NCK2: variants seen among roughly 807,000 people sequenced by gnomAD.
The protein encoded by NCK2 is NCK adaptor protein 2, also known as cytoplasmic protein NCK2.
A neutral mutation model predicts 33.9 loss-of-function variants in NCK2; 16 were observed. The observed-to-expected ratio is 0.47, with a 90% CI of 0.32 to 0.72. The LOEUF (loss-of-function observed/expected upper bound fraction) is 0.72. Among genes scored for constraint, NCK2 ranks in the 30% least tolerant of loss-of-function variants. The probability of loss-of-function intolerance (pLI) is 0.03; values close to 1 mark genes in which losing one functional copy is unlikely to be tolerated. For synonymous variants in NCK2, 273 were observed against 239.9 expected, an observed-to-expected ratio of 1.14 and a Z score of -1.27; for missense variants, 418 against 537.3, an observed-to-expected ratio of 0.78 and a Z score of 2.19.
intron 3 of NCK2, among the ~76,000 whole-genome samples, chr2:105,858,107 A>G (rs1267245391): frequency 3.5e-5 from 5 of 143,376 alleles, no homozygotes; most frequent in Non-Finnish European, 6.0e-5. Flanking sequence ...ATGGCTTCCT[A>G]TTACTGTTGG....
At chr2:105,780,570 C>G (rs1237255743) in intron 1 of NCK2, among the ~76,000 whole-genome samples, 1 of 152,136 alleles carries the variant, frequency 6.6e-6, no homozygotes, top group Non-Finnish European at 1.5e-5. Flanking sequence ...GGGGTGCTGT[C>G]TGTAATTATG....
At chr2:105,745,615 G>A (rs1282276795) in intron 1 of NCK2, 2 of 152,546 alleles carry the variant, frequency 1.3e-5, no homozygotes, top group African/African-American at 4.8e-5. Context: ...CCCCGGCGCA[G>A]GGACGGGGGA....
intron 2 of NCK2, among the ~76,000 whole-genome samples, chr2:105,844,788 A>G (rs1370283412): frequency 6.8e-6 from 1 of 147,750 alleles, no homozygotes; most frequent in Non-Finnish European, 1.5e-5. Flanking sequence ...GTATATATGT[A>G]TATAAAAGAA....
chr2:105,864,158 G>A (rs768185870), intron 3 of NCK2, among the ~76,000 whole-genome samples: 6 of 152,086 alleles, frequency 3.9e-5, no homozygotes, highest in Non-Finnish European at 8.8e-5. Flanking sequence ...ACCCTCGGAG[G>A]TTTCCACAGG....
At chr2:105,882,811 A>G (rs902727153) in intron 4 of NCK2, among the ~76,000 whole-genome samples, 1 of 152,172 alleles carries the variant, frequency 6.6e-6, no homozygotes, top group African/African-American at 2.4e-5. Context: ...TACACCTTCT[A>G]CAATCGAGAG....
At chr2:105,853,824 G>C (rs182044387) in intron 2 of NCK2, 7 of 152,330 alleles carry the variant, frequency 4.6e-5, no homozygotes, top group Non-Finnish European at 1.0e-4. Flanking sequence ...GGAAACATCA[G>C]GGGTGGAGCG....
chr2:105,755,283 A>G (rs1689568606), intron 1 of NCK2, among the ~76,000 whole-genome samples: 1 of 152,182 alleles, frequency 6.6e-6, no homozygotes, highest in Admixed American at 6.5e-5. Flanking sequence ...CTTTTTTAAA[A>G]AAGGAGGAGG....
chr2:105,769,176 C>G (rs1690044501), intron 1 of NCK2, among the ~76,000 whole-genome samples: 1 of 152,110 alleles, frequency 6.6e-6, no homozygotes, highest in Non-Finnish European at 1.5e-5. Context: ...CAGTAAATAC[C>G]AAGGGCTTTA....
At chr2:105,764,230 C>T (rs1689860288) in intron 1 of NCK2, among the ~76,000 whole-genome samples, 1 of 152,212 alleles carries the variant, frequency 6.6e-6, no homozygotes, top group Non-Finnish European at 1.5e-5. Flanking sequence ...CCTTCAGCAC[C>T]TGTGGCACCA....
chr2:105,809,192 C>T lies in NCK2; in HGVS notation c.-200-7238C>T, dbSNP rs185291261. Among the ~76,000 whole-genome samples, 8 of 152,224 alleles carry T rather than the reference C, an allele frequency of 5.3e-5. No homozygotes were observed. The East Asian group carries it at 1.5e-3, about 29-fold the overall frequency. ...GTGTGGGTCACCTGGTGGTTTTGAC[C>T]TCGAGTTCTTTCAATTCACTCATCC... On this transcript the variant is annotated intron_variant, in intron 1 of 4. Coordinates refer to ENST00000233154, the MANE Select transcript of NCK2 (RefSeq NM_003581.5).
At chr2:105,793,095 T>C (rs1038825272) in intron 1 of NCK2, among the ~76,000 whole-genome samples, 5 of 152,078 alleles carry the variant, frequency 3.3e-5, no homozygotes, top group Non-Finnish European at 7.3e-5. Context: ...GCCGTGGAAT[T>C]GAGAAGTGGC....
At chr2:105,798,644 T>C (rs1487838926) in intron 1 of NCK2, among the ~76,000 whole-genome samples, 1 of 152,202 alleles carries the variant, frequency 6.6e-6, no homozygotes, top group Non-Finnish European at 1.5e-5. Context: ...GGGGGAAGCC[T>C]GTGGTGAACC....
At chr2:105,782,906 A>C (rs1056444564) in intron 1 of NCK2, among the ~76,000 whole-genome samples, 1 of 152,156 alleles carries the variant, frequency 6.6e-6, no homozygotes, top group Non-Finnish European at 1.5e-5. Context: ...GTTACTCCAG[A>C]CACTTGTGCT....
Position 105,832,120 on chromosome 2 carries a change from T to C in NCK2, c.-17+15507T>C, listed in dbSNP as rs549145247. Reference sequence around the variant, plus strand: ...GTTCTTAGGTATTTGGCTTTTTTTCTTTTATTTTTAGCTATTATAAACGAG... The same window carrying C: ...GTTCTTAGGTATTTGGCTTTTTTTCCTTTATTTTTAGCTATTATAAACGAG... On this transcript the variant is annotated intron_variant, in intron 2 of 4. Coordinates refer to ENST00000233154, the MANE Select transcript of NCK2 (RefSeq NM_003581.5). Among the ~76,000 whole-genome samples, 5 of 152,304 alleles carry C rather than the reference T, an allele frequency of 3.3e-5. No individual in the cohort carries two copies. In the South Asian group the frequency reaches 1.0e-3, roughly 32 times the overall value.
chr2:105,803,158 A>T (rs539892314), intron 1 of NCK2, among the ~76,000 whole-genome samples: 2 of 152,216 alleles, frequency 1.3e-5, no homozygotes, highest in African/African-American at 4.8e-5. Context: ...CTGTATCACA[A>T]ATTAGTTTTT....
chr2:105,860,440 G>A (rs1677475591), intron 3 of NCK2, among the ~76,000 whole-genome samples: 1 of 152,210 alleles, frequency 6.6e-6, no homozygotes, highest in Non-Finnish European at 1.5e-5. Context: ...GGTGTAGTGT[G>A]TATGTTCCAC....
At chr2:105,791,850 A>G (rs775119044) in intron 1 of NCK2, among the ~76,000 whole-genome samples, 2 of 152,236 alleles carry the variant, frequency 1.3e-5, no homozygotes, top group Non-Finnish European at 2.9e-5. Flanking sequence ...TAACACCCGA[A>G]TAACTTACCA....
At chr2:105,767,211 T>TCATGTCACACATA (rs1280968452) in intron 1 of NCK2, among the ~76,000 whole-genome samples, 2 of 152,212 alleles carry the variant, frequency 1.3e-5, no homozygotes, top group African/African-American at 4.8e-5. Flanking sequence ...GTAATGTTAT[T>TCATGTCACACATA]CATGTCACAC....
intron 1 of NCK2, among the ~76,000 whole-genome samples, chr2:105,807,668 T>G (rs1675100485): frequency 6.6e-6 from 1 of 151,890 alleles, no homozygotes. Flanking sequence ...GGTAGTTGTT[T>G]TTTTCAACCT....
Sources: allele counts gnomAD v4.1 joint callset (sites outside exome capture counted in the v4.1 genomes callset), GRCh38; gene constraint gnomAD v4.1.1; transcripts MANE v1.5; gene names NCBI Gene and HGNC (gene_info 2026-07-23, HGNC 2026-07-21).